Variants in NBEAL1 observed in about 807,000 individuals in gnomAD.
NBEAL1 encodes the protein neurobeachin like 1, also known as neurobeachin-like protein 1.
Under a neutral mutation model 351.3 loss-of-function variants are expected in NBEAL1, and 273 were observed. That is an observed-to-expected ratio of 0.78 (90% CI 0.70 to 0.86). NBEAL1 has a LOEUF of 0.86. Among genes scored for constraint, NBEAL1 ranks in the 40% least tolerant of loss-of-function variants. The pLI is 0.00. For missense variants in NBEAL1, 2,961 were observed against 3,201.3 expected, an observed-to-expected ratio of 0.92 and a Z score of 1.81; for synonymous variants, 1,050 against 1,086.4, an observed-to-expected ratio of 0.97 and a Z score of 0.66.
chr2:203,164,097 A>G (rs1416935167), intron 36 of NBEAL1, among the ~76,000 whole-genome samples: 1 of 151,916 alleles, frequency 6.6e-6, no homozygotes, highest in Non-Finnish European at 1.5e-5. Context: ...TTATAAATTT[A>G]TTAATAGATT....
At chr2:203,135,107 C>T (rs1482354297) in intron 27 of NBEAL1, among the ~76,000 whole-genome samples, 8 of 150,172 alleles carry the variant, frequency 5.3e-5, no homozygotes, top group South Asian at 2.1e-4. Flanking sequence ...ACCTAGGAGC[C>T]GGAGGTTGTA....
intron 18 of NBEAL1, among the ~76,000 whole-genome samples, chr2:203,117,067 T>A (rs1198844336): frequency 1.1e-4 from 16 of 148,882 alleles, no homozygotes; most frequent in East Asian, 1.0e-3. Flanking sequence ...GTGCCACTGC[T>A]CTCCAGCCTG....
intron 42 of NBEAL1, among the ~76,000 whole-genome samples, chr2:203,179,438 G>A (rs1472358463): frequency 1.3e-5 from 2 of 152,242 alleles, no homozygotes; most frequent in Middle Eastern, 3.4e-3. Context: ...CCTGTGAATA[G>A]CCACTGCACT....
At chr2:203,202,917 TC>T (rs1310648981) in intron 51 of NBEAL1, 136 bp downstream of exon 51, 2 of 603,312 alleles carry the variant, frequency 3.3e-6, no homozygotes, top group African/African-American at 1.9e-5. Flanking sequence ...CCACATTTTG[TC>T]CTGTTCAAAT....
Position 203,218,577 on chromosome 2 carries a change from C to G in NBEAL1, c.*1223C>G, listed in dbSNP as rs2065920960. 1 of 152,230 alleles carries G rather than the reference C, an allele frequency of 6.6e-6. No homozygotes were observed. Among genetic ancestry groups the G allele is most frequent in the Admixed American group, 6.5e-5 (1 of 15,276 alleles). 9.4% of individuals were successfully genotyped at this position (152,230 alleles called of 1,614,324 possible). On this transcript the variant is annotated 3_prime_UTR_variant, in exon 56 of 56. Coordinates refer to ENST00000683969, the MANE Select transcript of NBEAL1 (RefSeq NM_001378026.1). ...TTTTCAGGAAGGAATGGTTACATGG[C>G]TTTCTTTAAAGGGATCTGTTTCCAG...
chr2:203,148,090 T>A (rs779768310), intron 33 of NBEAL1, among the ~76,000 whole-genome samples: 1 of 152,064 alleles, frequency 6.6e-6, no homozygotes, highest in Non-Finnish European at 1.5e-5. Flanking sequence ...TCCAAAACAA[T>A]TGATTTCCTA....
At chr2:203,131,601 T>C (rs1305456439) in intron 25 of NBEAL1, among the ~76,000 whole-genome samples, 1 of 152,222 alleles carries the variant, frequency 6.6e-6, no homozygotes, top group Non-Finnish European at 1.5e-5. Flanking sequence ...ATTGGAACAC[T>C]AAGCATTTGG....
At chr2:203,209,698 A>G (rs188625508) in intron 53 of NBEAL1, among the ~76,000 whole-genome samples, 2 of 131,108 alleles carry the variant, frequency 1.5e-5, no homozygotes, top group Admixed American at 1.6e-4. Context: ...TGACATCACT[A>G]TTTATTTAAT....
intron 5 of NBEAL1, 57 bp downstream of exon 5, chr2:203,056,565 T>C: frequency 1.1e-6 from 1 of 935,654 alleles, no homozygotes; most frequent in Non-Finnish European, 1.7e-6. Flanking sequence ...GTTTTACTTT[T>C]TGTTTGTTTG....
chr2:203,167,995 C>T (rs2064189663), intron 38 of NBEAL1, among the ~76,000 whole-genome samples: 1 of 152,216 alleles, frequency 6.6e-6, no homozygotes, highest in African/African-American at 2.4e-5. Flanking sequence ...TTTCAGAAGA[C>T]TCACATTAGC....
At chr2:203,119,982 T>C (rs2062793448) in intron 18 of NBEAL1, among the ~76,000 whole-genome samples, 1 of 152,208 alleles carries the variant, frequency 6.6e-6, no homozygotes, top group African/African-American at 2.4e-5. Context: ...TTAAAACTTA[T>C]TGAATGTCTT....
chr2:203,192,963 C>CTTTTTTTTTTTTTTTTT (rs71408917), intron 46 of NBEAL1, among the ~76,000 whole-genome samples: 18 of 99,348 alleles, frequency 1.8e-4, no homozygotes, highest in African/African-American at 2.7e-4. Context: ...TTCTTTCTTT[C>CTTTTTTTTTTTTTTTTT]TTTTTTTTTT....
intron 3 of NBEAL1, among the ~76,000 whole-genome samples, chr2:203,044,492 A>T (rs2106054443): frequency 6.6e-6 from 1 of 152,298 alleles, no homozygotes; most frequent in South Asian, 2.1e-4. Context: ...TATCATCCAT[A>T]CATTACCAGT....
intron 2 of NBEAL1, among the ~76,000 whole-genome samples, chr2:203,019,743 TA>T (rs1272121561): frequency 6.6e-6 from 1 of 152,334 alleles, no homozygotes; most frequent in Admixed American, 6.5e-5. Flanking sequence ...TCAGTAGGTC[TA>T]GTAGTAGTAC....
chr2:203,064,125 C>G, intron 6 of NBEAL1, among the ~76,000 whole-genome samples: 1 of 152,140 alleles, frequency 6.6e-6, no homozygotes, highest in Middle Eastern at 3.2e-3. Flanking sequence ...GTGATCTTGG[C>G]TCACTGCAAC....
At chr2:203,201,773 A>G in intron 50 of NBEAL1, 58 bp downstream of exon 50, 1 of 1,429,228 alleles carries the variant, frequency 7.0e-7, no homozygotes, top group Non-Finnish European at 9.5e-7. Context: ...TCTTAAGTAT[A>G]AAAGTAGTAC....
intron 15 of NBEAL1, 77 bp from the exon 16 acceptor site, chr2:203,111,902 G>A: frequency 7.0e-7 from 1 of 1,436,100 alleles, no homozygotes; most frequent in Non-Finnish European, 9.4e-7. Flanking sequence ...AAATTATAGA[G>A]CAAACTTCTG....
chr2:203,171,917 G>A lies in NBEAL1; in HGVS notation c.6103-11G>A. 1 of 1,479,780 alleles carries A rather than the reference G, an allele frequency of 6.8e-7. No homozygotes were observed. The highest frequency in any genetic ancestry group is 9.1e-7 in the Non-Finnish European group (1 of 1,097,710). The allele number at this position is 1,479,780 out of a possible 1,614,324, so 91.7% of individuals were successfully genotyped here. ...TTAAATTTTGATATTGCTCTTTTTT[G>A]TGCTGTCTAGAAATGGGTAAACAGA... On this transcript the variant is annotated splice_polypyrimidine_tract_variant and intron_variant, in intron 39 of 55. Coordinates refer to ENST00000683969, the MANE Select transcript of NBEAL1 (RefSeq NM_001378026.1).
rs2061405130 is a variant in NBEAL1 at position 203,056,525 on chromosome 2, C to T, written c.387+17C>T. ...ATTCAGCAAGTAGGTGTGAACTAATCTTTTTTGTCACTTTACTGAGAACAA... is the reference window on the plus strand; with the variant it reads ...ATTCAGCAAGTAGGTGTGAACTAATTTTTTTTGTCACTTTACTGAGAACAA... On this transcript the variant is annotated intron_variant, in intron 5 of 55. Transcript: ENST00000683969. 7.1e-7 allele frequency: 1 copy of T among 1,403,132 alleles called. No individual in the cohort carries two copies. The highest frequency in any genetic ancestry group is 1.4e-5 in the African/African-American group (1 of 69,988). The allele number at this position is 1,403,132 out of a possible 1,614,324, so 86.9% of individuals were successfully genotyped here. A position where few individuals can be genotyped will look rare whatever the true frequency, so the allele number is the denominator to read the frequency against.
Sources: allele counts gnomAD v4.1 joint callset (sites outside exome capture counted in the v4.1 genomes callset), GRCh38; gene constraint gnomAD v4.1.1; transcripts MANE v1.5; gene names NCBI Gene and HGNC (gene_info 2026-07-23, HGNC 2026-07-21).